LAMA5: variants seen among roughly 807,000 people sequenced by gnomAD.
The protein encoded by LAMA5 is laminin subunit alpha-5.
Under a neutral mutation model 433.4 loss-of-function variants are expected in LAMA5, and 260 were observed. The ratio of observed to expected loss-of-function variants is 0.60; its 90% CI spans 0.54 to 0.66. The LOEUF is 0.66. Among genes scored for constraint, LAMA5 ranks in the 30% least tolerant of loss-of-function variants. The probability of loss-of-function intolerance (pLI) is 0.00; values close to 1 mark genes in which losing one functional copy is unlikely to be tolerated. For missense variants in LAMA5, 5,378 were observed against 5,258.5 expected, an observed-to-expected ratio of 1.02 and a Z score of -0.70; for synonymous variants, 2,620 against 2,226.6, an observed-to-expected ratio of 1.18 and a Z score of -4.97.
intron 5 of LAMA5, 33 bp downstream of exon 5, chr20:62,351,876 C>A (rs1984362193): frequency 1.9e-6 from 3 of 1,576,076 alleles, no homozygotes; most frequent in Non-Finnish European, 2.6e-6. Context: ...CCCGGCCAGT[C>A]CCCCTCCCCC....
intron 9 of LAMA5, 92 bp from the exon 10 acceptor site, chr20:62,346,307 G>T (rs1452286973): frequency 2.0e-6 from 3 of 1,488,798 alleles, no homozygotes; most frequent in African/African-American, 1.4e-5. Context: ...CCCAGCCAGG[G>T]CCATGGGGAT....
Position 62,324,553 on chromosome 20 carries a change from T to A in LAMA5, c.5531A>T (p.Glu1844Val), listed in dbSNP as rs758113785. The change falls in exon 42 of 80, where the codon GAA (glutamate) becomes GTA (valine). Residue 1844 changes from glutamate to valine, a missense_variant and splice_region_variant. By Grantham distance (121) the Glu-to-Val change is moderately radical (BLOSUM62 -2). Transcript: ENST00000252999. This position sits in a 1 kb window ranked among gnomAD's most constrained non-coding sequence, Gnocchi z 4.4. ...GTCCCGATAGAAGCCGGGGGCACAT[T>A]CCTGAGGGTGTACGGGGGCAGGTGG... is the stretch of plus-strand genomic sequence containing the variant. ...PASYRGDSCQ[E>V]CAPGFYRDVK... is the part of the protein sequence containing the mutation. 60 of 1,608,688 alleles carry A rather than the reference T, an allele frequency of 3.7e-5. No individual in the cohort carries two copies. Among genetic ancestry groups the A allele is most frequent in the Non-Finnish European group, 4.8e-5 (57 of 1,177,384 alleles).
chr20:62,334,084 A>AGCCTGAG (rs759075974), intron 22 of LAMA5, 45 bp from the exon 23 acceptor site: 107 of 1,595,228 alleles, frequency 6.7e-5, no homozygotes, highest in Middle Eastern at 5.0e-4. Flanking sequence ...GACCACTGCC[A>AGCCTGAG]GCCTGAGGCC....
intron 56 of LAMA5, 45 bp downstream of exon 56, chr20:62,316,837 G>T: frequency 6.5e-7 from 1 of 1,543,980 alleles, no homozygotes; most frequent in Non-Finnish European, 8.7e-7. Context: ...GGTGCAGGCA[G>T]TGGGGGCGCT....
chr20:62,310,086 C>G lies in LAMA5; in HGVS notation c.10735-5G>C, dbSNP rs2379129. On this transcript the variant is annotated splice_polypyrimidine_tract_variant and splice_region_variant and intron_variant, in intron 77 of 79. Coordinates refer to ENST00000252999, the MANE Select transcript of LAMA5 (RefSeq NM_005560.6). ...GTCATCCGCCCGCAGCAGGACCTGG[C>G]GGGGTAGGAAGGGAGGGTCAGGCTA... The G allele has an allele frequency of 3.7e-6, 6 of 1,610,188 alleles. No individual in the cohort carries two copies. The highest frequency in any genetic ancestry group is 5.1e-6 in the Non-Finnish European group (6 of 1,179,428).
In LAMA5 at chr20:62,318,576, G is replaced by A. The variant is rs367686002; in HGVS notation, c.7117C>T (p.Arg2373Trp). The A allele has an allele frequency of 1.8e-4, 291 of 1,610,608 alleles. No individual in the cohort carries two copies. In the East Asian group the frequency reaches 2.0e-3, roughly 11 times the overall value. Reference sequence around the variant, plus strand: ...AGGCCGGCCTCGTGCTGGGCCAGCCGGTCGCGGGTTTGTGTGGCCAGTGCC... The same window carrying A: ...AGGCCGGCCTCGTGCTGGGCCAGCCAGTCGCGGGTTTGTGTGGCCAGTGCC... ...NQALATQTRD[R>W]LAQHEAGLMD... The change falls in exon 53 of 80, where the codon CGG (arginine) becomes TGG (tryptophan). Residue 2373 changes from arginine to tryptophan, a missense_variant. Arg to Trp is a moderately radical substitution (Grantham distance 101). Transcript: ENST00000252999.
In LAMA5 at chr20:62,314,394, T is replaced by A; in HGVS notation, c.8414A>T (p.His2805Leu). Residue 2805 changes from histidine to leucine, a missense_variant, in exon 62 of 80, where the codon CAC becomes CTC. Physicochemically the swap from His to Leu is moderately conservative, Grantham distance 99. Coordinates refer to ENST00000252999, the MANE Select transcript of LAMA5 (RefSeq NM_005560.6). Reference sequence around the variant, plus strand: ...CGCCTCACCCAGCTGATACACCCAGTGCACCTTCTTGTCACGCAGAGACAC... The same window carrying A: ...CGCCTCACCCAGCTGATACACCCAGAGCACCTTCTTGTCACGCAGAGACAC... The part of the protein sequence containing the change: ...MGVSLRDKKV[H>L]WVYQLGEAGP... 1 of 1,613,416 alleles carries A rather than the reference T, an allele frequency of 6.2e-7. No individual in the cohort carries two copies. Among genetic ancestry groups the A allele is most frequent in the Non-Finnish European group, 8.5e-7 (1 of 1,179,946 alleles).
At position 62,337,793 on chromosome 20, in the gene LAMA5, T is replaced by G; in HGVS notation, c.2026+11A>C. On this transcript the variant is annotated intron_variant, in intron 15 of 79. Coordinates refer to ENST00000252999, the MANE Select transcript of LAMA5 (RefSeq NM_005560.6). ...ACCTGCCTCCCCACCACTTCCTCCC[T>G]AGGCACTCACGGACACAGCTGGGGA... is the stretch of plus-strand genomic sequence containing the variant. 1 of 1,611,762 alleles carries G rather than the reference T, an allele frequency of 6.2e-7. No individual in the cohort carries two copies.
In LAMA5 at chr20:62,311,154, G is replaced by A. The variant is rs750343575; in HGVS notation, c.10088+8C>T. On this transcript the variant is annotated splice_region_variant and intron_variant, in intron 73 of 79. Coordinates refer to ENST00000252999, the MANE Select transcript of LAMA5 (RefSeq NM_005560.6). ...CTCTCAGCCCACCCCAGCCGGGCCT[G>A]GCCTTACCAGTTCCTATGTCGGGCC... is the stretch of plus-strand genomic sequence containing the variant. 4.4e-6 allele frequency: 7 copies of A among 1,586,070 alleles called. No homozygotes were observed. The Admixed American group carries it at 5.4e-5, about 12-fold the overall frequency.
rs547402777 is a variant in LAMA5 at position 62,311,253 on chromosome 20, G to A, written c.9997C>T (p.His3333Tyr). 8.1e-6 allele frequency: 13 copies of A among 1,606,892 alleles called. No individual in the cohort carries two copies. In the Admixed American group the frequency reaches 1.0e-4, roughly 13 times the overall value. ...ARHPACMLPP[H>Y]LRTTRDSYQF... ...TAGGAGTCTCGGGTGGTCCTGAGGT[G>A]TGGGGGCAGCATGCAGGCAGGATGC... Residue 3333 changes from histidine to tyrosine, a missense_variant, in exon 73 of 80, where the codon CAC (histidine) becomes TAC (tyrosine). Transcript: ENST00000252999.
chr20:62,328,324 G>C lies in LAMA5; in HGVS notation c.4569C>G (p.Val1523=). 6.2e-7 allele frequency: 1 copy of C among 1,603,964 alleles called. No individual in the cohort carries two copies. Among genetic ancestry groups the C allele is most frequent in the Non-Finnish European group, 8.5e-7 (1 of 1,176,048 alleles). The change falls in exon 35 of 80, where the codon GTC becomes GTG. Residue 1523 remains valine, a synonymous_variant. Coordinates refer to ENST00000252999, the MANE Select transcript of LAMA5 (RefSeq NM_005560.6). The part of the protein sequence containing the change: ...QPQTFGCHPL[V]GCEECNCSGP... ...CTGAGCAGTTACACTCCTCACAGCC[G>C]ACCAGGGGGTGGCAGCCAAAGGTCT...
intron 25 of LAMA5, 41 bp from the exon 26 acceptor site, chr20:62,333,284 G>A: frequency 6.3e-7 from 1 of 1,586,910 alleles, no homozygotes; most frequent in East Asian, 2.2e-5. Context: ...GGTCCACCCA[G>A]GTCCCCAGAG....
Position 62,337,626 on chromosome 20 carries a change from A to G in LAMA5, c.2128T>C (p.Cys710Arg), listed in dbSNP as rs755114881. 4.3e-6 allele frequency: 7 copies of G among 1,611,656 alleles called. No homozygotes were observed. Among genetic ancestry groups the G allele is most frequent in the Non-Finnish European group, 5.9e-6 (7 of 1,179,548 alleles). Residue 710 changes from cysteine (C) to arginine (R), a missense_variant, in exon 16 of 80, where the codon TGT (cysteine) becomes CGT (arginine). By Grantham distance (180) the Cys-to-Arg change is radical. Coordinates refer to ENST00000252999, the MANE Select transcript of LAMA5 (RefSeq NM_005560.6). Reference protein sequence around the residue: ...PRVTGLRCDTCVPGAYNFPYC... With the variant: ...PRVTGLRCDTRVPGAYNFPYC... ...GGGAAGTTGTAGGCACCGGGCACAC[A>G]TGTGTCACACCGCAGCCCCGTCACA... is the stretch of plus-strand genomic sequence containing the variant.
At chr20:62,321,666 G>A (rs193023907) in intron 48 of LAMA5, among the ~76,000 whole-genome samples, 1,419 of 106,108 alleles carry the variant, frequency 0.013, 35 homozygotes, top group Non-Finnish European at 0.02. Context: ...GGGCCAATGG[G>A]GGTGGGGTCA....
intron 2 of LAMA5, among the ~76,000 whole-genome samples, chr20:62,361,096 G>C (rs566097984): frequency 6.6e-6 from 1 of 152,076 alleles, no homozygotes; most frequent in Non-Finnish European, 1.5e-5. Context: ...TTCCCGCCCC[G>C]AGCAGCTGAG....
rs764943395 is a variant in LAMA5 at position 62,329,298 on chromosome 20, C to T, written c.4120-45G>A. ...CACTCTCCCGCGGGCCCAGAGCCTG[C>T]AGCGGGGAGGCCCCCAGAGGCTGGC... On this transcript the variant is annotated intron_variant, in intron 32 of 79. Coordinates refer to ENST00000252999, the MANE Select transcript of LAMA5 (RefSeq NM_005560.6). 12 of 1,454,104 alleles carry T rather than the reference C, an allele frequency of 8.3e-6. No individual in the cohort carries two copies. The South Asian group carries it at 1.3e-4, about 16-fold the overall frequency. The allele number at this position is 1,454,104 out of a possible 1,614,324, so 90.1% of individuals were successfully genotyped here.
At chr20:62,344,140 A>G (rs1166395849) in intron 11 of LAMA5, among the ~76,000 whole-genome samples, 1 of 70,510 alleles carries the variant, frequency 1.4e-5, no homozygotes, top group Non-Finnish European at 3.5e-5. Flanking sequence ...GCGAAACTCC[A>G]TCTCAAAAAA....
chr20:62,333,524 C>T lies in LAMA5; in HGVS notation c.3021+40G>A, dbSNP rs750352427. The T allele has an allele frequency of 1.9e-6, 3 of 1,581,094 alleles. 1 individual carries two copies. In the South Asian group the frequency reaches 3.5e-5, roughly 18 times the overall value. On this transcript the variant is annotated intron_variant, in intron 24 of 79. Coordinates refer to ENST00000252999, the MANE Select transcript of LAMA5 (RefSeq NM_005560.6). Reference sequence around the variant, plus strand: ...TGCTGAGAGTGGTGGGCCCCACCCCCTGACCCGGCCCCCAGCCCTCACTCT... The same window carrying T: ...TGCTGAGAGTGGTGGGCCCCACCCCTTGACCCGGCCCCCAGCCCTCACTCT...
At position 62,362,392 on chromosome 20, in the gene LAMA5, G is replaced by C; in HGVS notation, c.450+8C>G. On this transcript the variant is annotated splice_region_variant and intron_variant, in intron 2 of 79. Transcript: ENST00000252999. Reference sequence around the variant, plus strand: ...TGGGGGCTGCAGCACGCAAAGAAGGGTCCCTACCTGGCCCAGGTCCAGGGT... The same window carrying C: ...TGGGGGCTGCAGCACGCAAAGAAGGCTCCCTACCTGGCCCAGGTCCAGGGT... 2 of 1,514,300 alleles carry C rather than the reference G, an allele frequency of 1.3e-6. No homozygotes were observed. The highest frequency in any genetic ancestry group is 1.8e-6 in the Non-Finnish European group (2 of 1,123,440). The allele number at this position is 1,514,300 out of a possible 1,614,324, so 93.8% of individuals were successfully genotyped here.
Sources: gnomAD v4.1 joint callset for allele counts (sites outside exome capture counted in the v4.1 genomes callset) on GRCh38, gnomAD v4.1.1 for gene constraint, Gnocchi (gnomAD v3.1) non-coding constraint, MANE v1.5 for transcripts, NCBI Gene and HGNC (gene_info 2026-07-23, HGNC 2026-07-21) for gene names.